The following VPS39 variants were observed in gnomAD, a reference collection of about 807,000 sequenced individuals.
The protein encoded by VPS39 is vam6/Vps39-like protein.
Under a neutral mutation model 121.0 loss-of-function variants are expected in VPS39, and 70 were observed. That is an observed-to-expected ratio of 0.58 (90% CI 0.48 to 0.71). VPS39 has a LOEUF of 0.71. Among genes scored for constraint, VPS39 ranks in the 30% least tolerant of loss-of-function variants. VPS39 has a pLI of 0.00. For missense variants in VPS39, 818 were observed against 1,051.5 expected (o/e 0.78, Z 3.07); for synonymous variants, 378 against 398.1 (o/e 0.95, Z 0.60).
intron 10 of VPS39, among the ~76,000 whole-genome samples, chr15:42,176,884 T>G (rs2049462187): frequency 6.6e-6 from 1 of 152,116 alleles, no homozygotes. Context: ...TATCTGAGGC[T>G]GGGCATAGTA....
chr15:42,196,897 C>T (rs1261614358), intron 2 of VPS39, among the ~76,000 whole-genome samples: 1 of 151,956 alleles, frequency 6.6e-6, no homozygotes. Context: ...CAGCACTGTT[C>T]ACAAGAGCAA....
chr15:42,165,672 G>A (rs780029284), intron 17 of VPS39, 46 bp downstream of exon 17: 5 of 1,519,050 alleles, frequency 3.3e-6, no homozygotes, highest in Non-Finnish European at 4.6e-6. Context: ...CGCAGTCCTG[G>A]ATCCTGGGTT....
chr15:42,193,541 G>C (rs1385254702), intron 2 of VPS39, among the ~76,000 whole-genome samples: 1 of 151,794 alleles, frequency 6.6e-6, no homozygotes, highest in African/African-American at 2.4e-5. Flanking sequence ...CTTACACTTT[G>C]AATGTATTTT....
intron 11 of VPS39, 149 bp from the exon 12 acceptor site, chr15:42,170,015 T>C: frequency 1.0e-6 from 1 of 955,566 alleles, no homozygotes; most frequent in Non-Finnish European, 1.4e-6. Context: ...CAACGAGCTG[T>C]AGACTTATGA....
chr15:42,203,084 G>A (rs1368446309), intron 1 of VPS39, among the ~76,000 whole-genome samples: 7 of 151,844 alleles, frequency 4.6e-5, no homozygotes, highest in South Asian at 4.2e-4. Context: ...TCTAGGGGCC[G>A]GGCACGGAGG....
rs990917459 is a variant in VPS39, at chr15:42,165,400, A to C, written c.1780-287T>G. 14 of 519,874 alleles carry C rather than the reference A, an allele frequency of 2.7e-5. No homozygotes were observed. The East Asian group carries it at 4.6e-4, about 17-fold the overall frequency. The allele number at this position is 519,874 out of a possible 1,614,324, so 32.2% of individuals were successfully genotyped here. On this transcript the variant is annotated intron_variant, in intron 17 of 24. Transcript: ENST00000318006. The stretch of plus-strand genomic sequence containing the variant: ...CATGTAATTGTGGTTAAATATCTGC[A>C]TCCTGGTACTTAAGCCTATTTGATT...
chr15:42,184,374 G>T, intron 8 of VPS39, 143 bp downstream of exon 8: 1 of 792,026 alleles, frequency 1.3e-6, no homozygotes, highest in Non-Finnish European at 1.8e-6. Flanking sequence ...ACCCTAAAAT[G>T]TCATCTACTT....
chr15:42,177,946 C>T (rs1388495099), intron 10 of VPS39, among the ~76,000 whole-genome samples: 2 of 152,216 alleles, frequency 1.3e-5, no homozygotes, highest in Non-Finnish European at 2.9e-5. Context: ...GGATTACAGG[C>T]GTGAGCCACT....
At chr15:42,197,956 T>G (rs2049978678) in intron 2 of VPS39, among the ~76,000 whole-genome samples, 2 of 152,232 alleles carry the variant, frequency 1.3e-5, no homozygotes. Context: ...AAAAATGGCA[T>G]TTCTTGAAGA....
At chr15:42,191,792 G>C (rs1047946450) in intron 2 of VPS39, among the ~76,000 whole-genome samples, 3 of 152,148 alleles carry the variant, frequency 2.0e-5, no homozygotes, top group African/African-American at 7.2e-5. Flanking sequence ...CAGCAGAAAG[G>C]ATCACACAAA....
chr15:42,191,180 A>G lies in VPS39; in HGVS notation c.205-13T>C. On this transcript the variant is annotated splice_polypyrimidine_tract_variant and intron_variant, in intron 3 of 24. Transcript: ENST00000318006. ...AAACCACATGGATCTGGAAAATAGG[A>G]AATCATGAGACCCAATTAAACATTT... The G allele has an allele frequency of 6.2e-7, 1 of 1,614,042 alleles. No individual in the cohort carries two copies. The highest frequency in any genetic ancestry group is 8.5e-7 in the Non-Finnish European group (1 of 1,179,924).
At chr15:42,181,998 G>A (rs964259532) in intron 8 of VPS39, among the ~76,000 whole-genome samples, 1 of 152,248 alleles carries the variant, frequency 6.6e-6, no homozygotes, top group African/African-American at 2.4e-5. Context: ...ACAGGCATGA[G>A]TCGCTGCACT....
rs1341803818 is a variant in VPS39 at position 42,192,190 on chromosome 15, C to T, written c.140-630G>A. 7 of 1,240,730 alleles carry T rather than the reference C, an allele frequency of 5.6e-6. No individual in the cohort carries two copies. In the East Asian group the frequency reaches 7.6e-5, roughly 13 times the overall value. The allele number at this position is 1,240,730 out of a possible 1,614,324, so 76.9% of individuals were successfully genotyped here. On this transcript the variant is annotated intron_variant, in intron 2 of 24. Coordinates refer to ENST00000318006, the MANE Select transcript of VPS39 (RefSeq NM_015289.5). ...GACAAAAATATTCAGCCTCAAAAGT[C>T]ACCAATGAGTCAAAAAGAGAATAAT...
intron 5 of VPS39, 68 bp from the exon 6 acceptor site, chr15:42,187,924 G>C: frequency 1.4e-6 from 2 of 1,451,000 alleles, no homozygotes; most frequent in Non-Finnish European, 1.9e-6. Flanking sequence ...AACTAAATTA[G>C]AGATTGTCTA....
At chr15:42,187,984 C>G in intron 5 of VPS39, 128 bp from the exon 6 acceptor site, 1 of 824,176 alleles carries the variant, frequency 1.2e-6, no homozygotes, top group Non-Finnish European at 2.0e-6. Context: ...AGTCATCCTG[C>G]CAGGAAAGCT....
chr15:42,203,432 C>G (rs2140893834), intron 1 of VPS39, among the ~76,000 whole-genome samples: 1 of 151,642 alleles, frequency 6.6e-6, no homozygotes, highest in Middle Eastern at 3.4e-3. Flanking sequence ...TGAGATCGTA[C>G]CACTGCACTC....
At position 42,184,585 on chromosome 15, in the gene VPS39, A is replaced by G. The variant is rs2049659798; in HGVS notation, c.650T>C (p.Val217Ala). ...TGTGCAGATCCCTTCCTCATTGAGT[A>G]CCACGGTGAGATCATCCTGGCCCAC... The part of the protein sequence containing the change: ...VAVGQDDLTV[V>A]LNEEGICTQK... Residue 217 changes from valine (V) to alanine (A), a missense_variant, in exon 8 of 25, where the codon GTA (valine) becomes GCA (alanine). By Grantham distance (64) the Val-to-Ala change is moderately conservative. Coordinates refer to ENST00000318006, the MANE Select transcript of VPS39 (RefSeq NM_015289.5). 1 of 1,614,140 alleles carries G rather than the reference A, an allele frequency of 6.2e-7. No homozygotes were observed. Among genetic ancestry groups the G allele is most frequent in the South Asian group, 1.1e-5 (1 of 91,076 alleles).
chr15:42,169,685 C>T (rs2049309793), intron 12 of VPS39, 39 bp downstream of exon 12: 1 of 1,552,096 alleles, frequency 6.4e-7, no homozygotes, highest in Non-Finnish European at 8.8e-7. Context: ...TACTGAAACT[C>T]CCAGGCAAAC....
intron 7 of VPS39, among the ~76,000 whole-genome samples, chr15:42,185,981 G>C (rs2049692215): frequency 6.6e-6 from 1 of 152,200 alleles, no homozygotes; most frequent in East Asian, 1.9e-4. Context: ...CTTAAGTCCA[G>C]CTTTTGCTCA....
Sources: allele counts gnomAD v4.1 joint callset (sites outside exome capture counted in the v4.1 genomes callset), GRCh38; gene constraint gnomAD v4.1.1; transcripts MANE v1.5; gene names NCBI Gene and HGNC (gene_info 2026-07-23, HGNC 2026-07-21).